Variants in PARD6G observed in about 807,000 individuals in gnomAD.
The protein encoded by PARD6G is partitioning defective 6 homolog gamma.
In PARD6G, 7 loss-of-function variants were observed where a neutral mutation model predicts 10.7. The ratio of observed to expected loss-of-function variants is 0.66; its 90% CI spans 0.37 to 1.23. PARD6G has a LOEUF of 1.23. PARD6G is among the 50% of genes most tolerant of loss of function. The pLI, the probability that PARD6G is intolerant of heterozygous loss-of-function variation, is 0.02. For synonymous variants in PARD6G, 287 were observed against 269.4 expected, an observed-to-expected ratio of 1.07 and a Z score of -0.64; for missense variants, 548 against 571.8, an observed-to-expected ratio of 0.96 and a Z score of 0.42.
chr18:80,207,437 T>C (rs182807342), intron 1 of PARD6G, among the ~76,000 whole-genome samples: 1 of 152,228 alleles, frequency 6.6e-6, no homozygotes, highest in East Asian at 1.9e-4. Flanking sequence ...TTTGGATGGC[T>C]AGTGATTATC....
intron 1 of PARD6G, among the ~76,000 whole-genome samples, chr18:80,239,510 C>T (rs1378685077): frequency 6.6e-6 from 1 of 152,102 alleles, no homozygotes; most frequent in East Asian, 1.9e-4. Context: ...TGTGTTGGGC[C>T]ACGTTATTCA....
At chr18:80,162,026 C>T (rs1381542926) in intron 2 of PARD6G, 1 of 152,252 alleles carries the variant, frequency 6.6e-6, no homozygotes, top group Non-Finnish European at 1.5e-5. Flanking sequence ...CCAGCAGAGC[C>T]CATGGCTGCC....
Position 80,160,528 on chromosome 18 carries a change from C to T in PARD6G, c.374G>A (p.Gly125Glu), listed in dbSNP as rs756087874. The part of the protein sequence containing the change: ...RRALGALRDE[G>E]PRRRAHLDIG... ...GTCCAGGTGTGCACGCCGCCGGGGT[C>T]CTTCATCACGCAGCGCGCCCAGCGC... is the stretch of plus-strand genomic sequence containing the variant. Residue 125 changes from glycine (G) to glutamate (E), a missense_variant, in exon 3 of 3, where the codon GGA (glycine) becomes GAA (glutamate). This residue lies in a region of PARD6G where 235 missense variants were observed against 291.9 expected (regional missense o/e 0.81). Coordinates refer to ENST00000353265, the MANE Select transcript of PARD6G (RefSeq NM_032510.4). 6.6e-7 allele frequency: 1 copy of T among 1,514,358 alleles called. No homozygotes were observed. The highest frequency in any genetic ancestry group is 1.3e-5 in the South Asian group (1 of 75,252). 93.8% of individuals were successfully genotyped at this position (1,514,358 alleles called of 1,614,324 possible).
chr18:80,241,725 C>G lies in PARD6G; in HGVS notation c.72+5552G>C, dbSNP rs538077753. Reference sequence around the variant, plus strand: ...AGGAGCATGTACCTCCCATGGATCCCCAGGGTCATGGTGCAGTAGAAATTT... The same window carrying G: ...AGGAGCATGTACCTCCCATGGATCCGCAGGGTCATGGTGCAGTAGAAATTT... On this transcript the variant is annotated intron_variant, in intron 1 of 2. Transcript: ENST00000353265. 2.8e-4 allele frequency among the ~76,000 whole-genome samples: 43 copies of G among 152,254 alleles called. 1 individual carries two copies. The South Asian group carries it at 8.9e-3, about 32-fold the overall frequency.
Position 80,180,074 on chromosome 18 carries a change from G to A in PARD6G, c.296-19468C>T, listed in dbSNP as rs1188359351. On this transcript the variant is annotated intron_variant, in intron 2 of 2. Transcript: ENST00000353265. The surrounding 1 kb of genome is among the most constrained non-coding windows in gnomAD (Gnocchi z 5.6). ...AAAGTTCAGTGGTCTGCAGAGAGGA[G>A]AGGAAAGGGGAAGCTGAATGTCCCG... 6.6e-6 allele frequency among the ~76,000 whole-genome samples: 1 copy of A among 152,226 alleles called. No individual in the cohort carries two copies. Among genetic ancestry groups the A allele is most frequent in the African/African-American group, 2.4e-5 (1 of 41,466 alleles).
chr18:80,195,251 C>T (rs1468892320), intron 2 of PARD6G, among the ~76,000 whole-genome samples: 4 of 152,110 alleles, frequency 2.6e-5, no homozygotes, highest in East Asian at 1.9e-4. Flanking sequence ...AATCTGCTCA[C>T]GGGCAGCATC....
In PARD6G at chr18:80,184,619, C is replaced by T. The variant is rs1324632396; in HGVS notation, c.295+18091G>A. 6.6e-6 allele frequency: 1 copy of T among 152,178 alleles called. No individual in the cohort carries two copies. Among genetic ancestry groups the T allele is most frequent in the Non-Finnish European group, 1.5e-5 (1 of 68,042 alleles). The allele number at this position is 152,178 out of a possible 1,614,324, so 9.4% of individuals were successfully genotyped here. A position where few individuals can be genotyped will look rare whatever the true frequency, so the allele number is the denominator to read the frequency against. The stretch of plus-strand genomic sequence containing the variant: ...GCGCGGAAACAGGCCATGACACGGA[C>T]GAGCCACACCATGGATGACCCCACG... On this transcript the variant is annotated intron_variant, in intron 2 of 2. Coordinates refer to ENST00000353265, the MANE Select transcript of PARD6G (RefSeq NM_032510.4). This position sits in a 1 kb window ranked among gnomAD's most constrained non-coding sequence, Gnocchi z 4.5.
chr18:80,185,717 C>A (rs1447227566), intron 2 of PARD6G, among the ~76,000 whole-genome samples: 1 of 148,406 alleles, frequency 6.7e-6, no homozygotes, highest in Non-Finnish European at 1.5e-5. Flanking sequence ...CACACATGCA[C>A]CCTCACACAC....
chr18:80,192,872 G>A lies in PARD6G; in HGVS notation c.295+9838C>T, dbSNP rs1020618450. Among the ~76,000 whole-genome samples the A allele has an allele frequency of 4.6e-5, 7 of 152,078 alleles. No homozygotes were observed. The highest frequency in any genetic ancestry group is 1.7e-4 in the African/African-American group (7 of 41,434). On this transcript the variant is annotated intron_variant, in intron 2 of 2. Coordinates refer to ENST00000353265, the MANE Select transcript of PARD6G (RefSeq NM_032510.4). This position sits in a 1 kb window ranked among gnomAD's most constrained non-coding sequence, Gnocchi z 4.9. ...CTCCCCTCACTCCTGTGTGGAGGGC[G>A]GAGGAGAGGTGTCTGCAGGGGAGCT...
chr18:80,195,180 A>G (rs920958608), intron 2 of PARD6G, among the ~76,000 whole-genome samples: 6 of 152,198 alleles, frequency 3.9e-5, no homozygotes, highest in African/African-American at 1.4e-4. Context: ...CCACTCTGAC[A>G]TGACAGAAAC....
Position 80,160,456 on chromosome 18 carries a change from ACAT to A in PARD6G, c.443_445del (p.Asp148del). ...CCGGTGCGTCTCGGGGACCAGGTCC[ACAT>A]CGATGATGGATGATACGGGGCGGAA... On this transcript the variant is annotated inframe_deletion, in exon 3 of 3. Coordinates refer to ENST00000353265, the MANE Select transcript of PARD6G (RefSeq NM_032510.4). The A allele has an allele frequency of 6.3e-7, 1 of 1,575,528 alleles. No homozygotes were observed. Among genetic ancestry groups the A allele is most frequent in the Non-Finnish European group, 8.6e-7 (1 of 1,160,616 alleles).
chr18:80,194,312 C>T (rs1050546138), intron 2 of PARD6G, among the ~76,000 whole-genome samples: 4 of 152,092 alleles, frequency 2.6e-5, no homozygotes, highest in Non-Finnish European at 5.9e-5. Flanking sequence ...GCATCCTCTA[C>T]GTAAATAAAG....
intron 1 of PARD6G, among the ~76,000 whole-genome samples, chr18:80,244,664 GAA>G (rs958580196): frequency 6.6e-6 from 1 of 152,110 alleles, no homozygotes; most frequent in Admixed American, 6.5e-5. Flanking sequence ...CCGATGCTTG[GAA>G]AAGTTAAATG....
intron 2 of PARD6G, among the ~76,000 whole-genome samples, chr18:80,164,695 A>C (rs2052723472): frequency 6.6e-6 from 1 of 152,256 alleles, no homozygotes; most frequent in African/African-American, 2.4e-5. Flanking sequence ...AATGTCAGCC[A>C]GCTGAGCAAG....
In PARD6G at chr18:80,160,071, C is replaced by T; in HGVS notation, c.831G>A (p.Val277=). ...GCAGGACGCGCGGGGCGGGGGGACC[C>T]ACGAAGCCCGCGGTGCCGTCCGAGG... ...GPPSDGTAGF[V]GPPAPRVLQN... is the part of the protein sequence containing the mutation. The change falls in exon 3 of 3, where the codon GTG becomes GTA. Residue 277 remains valine (V), a synonymous_variant. Coordinates refer to ENST00000353265, the MANE Select transcript of PARD6G (RefSeq NM_032510.4). The T allele has an allele frequency of 6.4e-7, 1 of 1,572,780 alleles. No individual in the cohort carries two copies. Among genetic ancestry groups the T allele is most frequent in the Non-Finnish European group, 8.6e-7 (1 of 1,162,210 alleles).
intron 1 of PARD6G, among the ~76,000 whole-genome samples, chr18:80,214,869 T>C (rs944938960): frequency 3.9e-5 from 6 of 152,204 alleles, no homozygotes; most frequent in Non-Finnish European, 7.3e-5. Context: ...AAAGTTTAAG[T>C]GTATCCTACT....
chr18:80,162,760 T>C (rs988900447), intron 2 of PARD6G, among the ~76,000 whole-genome samples: 1 of 152,162 alleles, frequency 6.6e-6, no homozygotes, highest in Non-Finnish European at 1.5e-5. Flanking sequence ...GTGGCAGTTA[T>C]GCTGCCCGGG....
At chr18:80,233,086 T>G (rs1475515089) in intron 1 of PARD6G, among the ~76,000 whole-genome samples, 2 of 152,128 alleles carry the variant, frequency 1.3e-5, no homozygotes, top group Non-Finnish European at 2.9e-5. Context: ...GCTCATCTCC[T>G]GAGGAGTGGA....
At chr18:80,212,840 GT>G (rs1428767432) in intron 1 of PARD6G, among the ~76,000 whole-genome samples, 1 of 151,828 alleles carries the variant, frequency 6.6e-6, no homozygotes, top group Non-Finnish European at 1.5e-5. Context: ...AGCCGAGATT[GT>G]GCCACTGCAC....
Sources: allele counts gnomAD v4.1 joint callset (sites outside exome capture counted in the v4.1 genomes callset), GRCh38; gene constraint gnomAD v4.1.1; regional missense constraint gnomAD v4.1.1; non-coding constraint Gnocchi (gnomAD v3.1); transcripts MANE v1.5; gene names NCBI Gene and HGNC (gene_info 2026-07-23, HGNC 2026-07-21).